Variants in ZNF532 observed in about 807,000 individuals in gnomAD.
The protein encoded by ZNF532 is zinc finger protein 532.
ZNF532 carries 22 observed loss-of-function variants against 89.3 expected under a neutral mutation model. The observed-to-expected ratio is 0.25, with a 90% CI of 0.18 to 0.35. ZNF532 has a LOEUF of 0.35. Ranked by LOEUF, ZNF532 falls within the 10% of genes least tolerant of loss-of-function variation. The pLI, the probability that ZNF532 is intolerant of heterozygous loss-of-function variation, is 1.00. For missense variants in ZNF532, 1,132 were observed against 1,643.4 expected (o/e 0.69, Z 5.38); for synonymous variants, 606 against 649.6 (o/e 0.93, Z 1.02).
intron 5 of ZNF532, among the ~76,000 whole-genome samples, chr18:58,942,336 TCCC>T (rs1568382818): frequency 0.013 from 360 of 28,306 alleles, 10 homozygotes; most frequent in East Asian, 0.021. Context: ...CCTCCCTCCC[TCCC>T]TCCCTCCCTC....
At position 58,925,826 on chromosome 18, in the gene ZNF532, C is replaced by G. The variant is rs553791026; in HGVS notation, c.2346+5193C>G. On this transcript the variant is annotated intron_variant, in intron 3 of 9. Transcript: ENST00000591808. The stretch of plus-strand genomic sequence containing the variant: ...TGGAGGGTCATTTTTTCCCCCAATA[C>G]TTGGCCATTTGTTGAAGATGCTGTC... Among the ~76,000 whole-genome samples, 3 of 152,274 alleles carry G rather than the reference C, an allele frequency of 2.0e-5. No individual in the cohort carries two copies. The South Asian group carries it at 6.2e-4, about 32-fold the overall frequency.
intron 3 of ZNF532, among the ~76,000 whole-genome samples, chr18:58,926,527 G>C (rs1280945657): frequency 6.6e-6 from 1 of 152,052 alleles, no homozygotes; most frequent in Non-Finnish European, 1.5e-5. Flanking sequence ...AGTAGAGACA[G>C]GGTTGAGATG....
At chr18:58,896,722 G>A (rs992175999) in intron 2 of ZNF532, 1 of 152,076 alleles carries the variant, frequency 6.6e-6, no homozygotes, top group Admixed American at 6.5e-5. Flanking sequence ...TTCTGTAGAG[G>A]TATTTATTAA....
At chr18:58,955,355 T>C (rs1195203797) in intron 7 of ZNF532, among the ~76,000 whole-genome samples, 1 of 152,262 alleles carries the variant, frequency 6.6e-6, no homozygotes, top group Non-Finnish European at 1.5e-5. Context: ...GTCTCATTTG[T>C]AATCCTAATA....
chr18:58,979,903 A>G (rs1428722694), intron 8 of ZNF532: 2 of 152,288 alleles, frequency 1.3e-5, no homozygotes, highest in Admixed American at 6.5e-5. Flanking sequence ...GCCAACATCA[A>G]CCCAGACTCC....
chr18:58,945,303 G>A (rs1420655350), intron 5 of ZNF532, among the ~76,000 whole-genome samples: 1 of 152,172 alleles, frequency 6.6e-6, no homozygotes, highest in Non-Finnish European at 1.5e-5. Context: ...GGGCCGTGAT[G>A]CCATGCTTTT....
chr18:58,953,677 C>T lies in ZNF532; in HGVS notation c.3028C>T (p.Pro1010Ser). The T allele has an allele frequency of 1.2e-6, 2 of 1,613,988 alleles. No homozygotes were observed. Among genetic ancestry groups the T allele is most frequent in the Non-Finnish European group, 1.7e-6 (2 of 1,179,884 alleles). The change falls in exon 7 of 10, where the codon CCT becomes TCT. Residue 1010 changes from proline to serine, a missense_variant. Physicochemically the swap from Pro to Ser is moderately conservative, Grantham distance 74. This residue lies in a region of ZNF532 where 415 missense variants were observed against 604.8 expected (regional missense o/e 0.69). Coordinates refer to ENST00000591808, the MANE Select transcript of ZNF532 (RefSeq NM_001375912.1). The stretch of plus-strand genomic sequence containing the variant: ...GAAATTGGAAAAGAAATCTCCATCT[C>T]CTGTGAAAAAATCAATGGAAACCAA... ...KEKLEKKSPS[P>S]VKKSMETKKV...
intron 2 of ZNF532, chr18:58,896,496 T>C (rs898729359): frequency 6.6e-6 from 1 of 152,298 alleles, no homozygotes; most frequent in Non-Finnish European, 1.5e-5. Context: ...CACCCATGTC[T>C]GGGCTGGGAA....
intron 7 of ZNF532, among the ~76,000 whole-genome samples, chr18:58,962,318 C>T (rs569458721): frequency 6.6e-6 from 1 of 152,248 alleles, no homozygotes; most frequent in Admixed American, 6.5e-5. Context: ...ATGTAGTAGC[C>T]ATTGCTAGTG....
chr18:58,888,738 AT>A (rs1225015448), intron 2 of ZNF532, among the ~76,000 whole-genome samples: 2,423 of 51,410 alleles, frequency 0.047, 249 homozygotes, highest in African/African-American at 0.15. Flanking sequence ...TTATATATAT[AT>A]ATTTTATATA....
chr18:58,900,747 T>C (rs900579778), intron 2 of ZNF532, among the ~76,000 whole-genome samples: 13 of 152,214 alleles, frequency 8.5e-5, no homozygotes, highest in African/African-American at 3.1e-4. Flanking sequence ...CCATGCCACC[T>C]GCCTCTTTAA....
At chr18:58,935,958 G>C (rs1160124356) in intron 4 of ZNF532, among the ~76,000 whole-genome samples, 1 of 152,034 alleles carries the variant, frequency 6.6e-6, no homozygotes, top group Non-Finnish European at 1.5e-5. Flanking sequence ...AGGTGGTTCT[G>C]CCCAGTTTTG....
intron 2 of ZNF532, among the ~76,000 whole-genome samples, chr18:58,904,223 C>T (rs1331222416): frequency 6.6e-6 from 1 of 151,850 alleles, no homozygotes. Context: ...TGGTGGTGTG[C>T]ACCTGTAGTC....
chr18:58,973,982 G>A (rs897860915), intron 7 of ZNF532, among the ~76,000 whole-genome samples: 10 of 152,182 alleles, frequency 6.6e-5, no homozygotes, highest in African/African-American at 9.7e-5. Flanking sequence ...GAGCGGGGTC[G>A]AGGGGGTGGG....
intron 7 of ZNF532, among the ~76,000 whole-genome samples, chr18:58,972,238 T>A (rs1196176341): frequency 6.6e-6 from 1 of 152,178 alleles, no homozygotes; most frequent in African/African-American, 2.4e-5. Context: ...TGTGTGTAGA[T>A]ATGTGTGTTT....
At chr18:58,880,754 G>A (rs1271192549) in intron 2 of ZNF532, among the ~76,000 whole-genome samples, 6 of 140,982 alleles carry the variant, frequency 4.3e-5, no homozygotes, top group African/African-American at 1.5e-4. Flanking sequence ...TCTCATAGGC[G>A]CGCGCGCACG....
At chr18:58,958,352 CA>C (rs1370694272) in intron 7 of ZNF532, among the ~76,000 whole-genome samples, 1 of 152,188 alleles carries the variant, frequency 6.6e-6, no homozygotes, top group Admixed American at 6.5e-5. Flanking sequence ...GTTAAAGCAG[CA>C]GCATTTTAAG....
At chr18:58,952,249 G>T (rs1232857125) in intron 6 of ZNF532, among the ~76,000 whole-genome samples, 1 of 152,182 alleles carries the variant, frequency 6.6e-6, no homozygotes, top group Non-Finnish European at 1.5e-5. Flanking sequence ...TCTTAGGAAA[G>T]ATTTTTAATG....
At chr18:58,961,012 T>C (rs927083585) in intron 7 of ZNF532, among the ~76,000 whole-genome samples, 10 of 152,248 alleles carry the variant, frequency 6.6e-5, no homozygotes, top group Non-Finnish European at 1.3e-4. Context: ...CATCCTTCTT[T>C]GTGGCTGCTG....
Sources: gnomAD v4.1 joint callset for allele counts (sites outside exome capture counted in the v4.1 genomes callset) on GRCh38, gnomAD v4.1.1 for gene constraint, gnomAD v4.1.1 regional missense constraint, MANE v1.5 for transcripts, NCBI Gene and HGNC (gene_info 2026-07-23, HGNC 2026-07-21) for gene names.